The following CEP57L1 variants were observed in gnomAD, a reference collection of about 807,000 sequenced individuals.
CEP57L1 encodes the protein centrosomal protein CEP57L1.
In CEP57L1, 37 loss-of-function variants were observed where a neutral mutation model predicts 61.0. The ratio of observed to expected loss-of-function variants is 0.61; its 90% confidence interval spans 0.47 to 0.80. The LOEUF (loss-of-function observed/expected upper bound fraction) is 0.80, where lower values mean the gene tolerates loss of function less well. CEP57L1 is among the 30% of genes least tolerant of loss of function. The pLI, the probability that CEP57L1 is intolerant of heterozygous loss-of-function variation, is 0.00. For missense variants in CEP57L1, 422 were observed against 524.7 expected (o/e 0.80, Z 1.91); for synonymous variants, 137 against 162.3 (o/e 0.84, Z 1.19).
intron 1 of CEP57L1, among the ~76,000 whole-genome samples, chr6:109,118,580 G>A (rs1772580870): frequency 6.6e-6 from 1 of 152,154 alleles, no homozygotes. Flanking sequence ...CAGACATGTG[G>A]GTCAAACGTC....
chr6:109,174,099 C>CAAAAAAAAAAAAAAAAAAAA lies in CEP57L1; in HGVS notation c.*11144_*11145insAAAAAAAAAAAAAAAAAAAA, dbSNP rs1298260523. Among the ~76,000 whole-genome samples, 1 of 81,906 alleles carries CAAAAAAAAAAAAAAAAAAAA rather than the reference C, an allele frequency of 1.2e-5. No individual in the cohort carries two copies. Among genetic ancestry groups the CAAAAAAAAAAAAAAAAAAAA allele is most frequent in the African/African-American group, 4.8e-5 (1 of 20,852 alleles). 53.7% of individuals were successfully genotyped at this position (81,906 alleles called of 152,430 possible). On this transcript the variant is annotated 3_prime_UTR_variant, in exon 11 of 11. Transcript: ENST00000517392. ...TGAGCCATAGAGTGAGTCTTGGTCT[C>CAAAAAAAAAAAAAAAAAAAA]AAAAAAAAAAAAAAACCTTGTGTTG... is the stretch of plus-strand genomic sequence containing the variant.
chr6:109,153,098 G>A (rs1301108018), intron 4 of CEP57L1, among the ~76,000 whole-genome samples: 2 of 148,038 alleles, frequency 1.4e-5, no homozygotes, highest in Non-Finnish European at 3.0e-5. Flanking sequence ...GCAACAGCAA[G>A]ACTCTGTCTC....
At chr6:109,098,514 ATC>A (rs1339767627) in intron 1 of CEP57L1, among the ~76,000 whole-genome samples, 1 of 152,082 alleles carries the variant, frequency 6.6e-6, no homozygotes, top group Admixed American at 6.6e-5. Context: ...AGCTCACTGC[ATC>A]CTTGAACTCC....
chr6:109,136,733 T>C (rs1770767369), intron 1 of CEP57L1, among the ~76,000 whole-genome samples: 1 of 147,818 alleles, frequency 6.8e-6, no homozygotes, highest in Non-Finnish European at 1.5e-5. Flanking sequence ...TTATTTTATT[T>C]TATTTTATTT....
intron 1 of CEP57L1, among the ~76,000 whole-genome samples, chr6:109,143,159 T>C (rs1194660588): frequency 6.6e-6 from 1 of 152,036 alleles, no homozygotes; most frequent in Non-Finnish European, 1.5e-5. Context: ...TCAGTTTTTA[T>C]TTAAACTCTC....
At position 109,174,207 on chromosome 6, in the gene CEP57L1, T is replaced by C. The variant is rs1774540819; in HGVS notation, c.*11237T>C. The stretch of plus-strand genomic sequence containing the variant: ...GTGTCTAAGATGGATACTTTACTCT[T>C]TTCTTTTGAGAAGGGAGAGAGTATG... On this transcript the variant is annotated 3_prime_UTR_variant, in exon 11 of 11. Transcript: ENST00000517392. Among the ~76,000 whole-genome samples the C allele has an allele frequency of 6.6e-6, 1 of 152,200 alleles. No individual in the cohort carries two copies. The highest frequency in any genetic ancestry group is 2.1e-4 in the South Asian group (1 of 4,820).
intron 3 of CEP57L1, among the ~76,000 whole-genome samples, chr6:109,148,309 C>T (rs973432997): frequency 6.6e-5 from 10 of 152,132 alleles, no homozygotes; most frequent in African/African-American, 2.4e-4. Context: ...CGATGTTCCC[C>T]TTCCTGTGTC....
At chr6:109,122,367 T>G (rs1208061867) in intron 1 of CEP57L1, among the ~76,000 whole-genome samples, 1 of 152,188 alleles carries the variant, frequency 6.6e-6, no homozygotes, top group African/African-American at 2.4e-5. Context: ...ATTTTTCATT[T>G]GTTTATATTG....
chr6:109,162,915 G>T lies in CEP57L1; in HGVS notation c.1328G>T (p.Arg443Leu), dbSNP rs757356335. 1.9e-6 allele frequency: 3 copies of T among 1,612,984 alleles called. No individual in the cohort carries two copies. Among genetic ancestry groups the T allele is most frequent in the Middle Eastern group, 1.7e-4 (1 of 6,022 alleles). Residue 443 changes from arginine to leucine, a missense_variant, in exon 11 of 11, where the codon CGA becomes CTA. Physicochemically the swap from Arg to Leu is moderately radical, Grantham distance 102. Coordinates refer to ENST00000517392, the MANE Select transcript of CEP57L1 (RefSeq NM_001271852.3). ...AAAAACAGCAGCTTTCATCCAATACGAGTTCATAATCTTCAAATGAAATTG... is the reference window on the plus strand; with the variant it reads ...AAAAACAGCAGCTTTCATCCAATACTAGTTCATAATCTTCAAATGAAATTG... Reference protein sequence around the residue: ...FQKNSSFHPIRVHNLQMKLRR... With the variant: ...FQKNSSFHPILVHNLQMKLRR...
rs114413436 is a variant in CEP57L1 at position 109,098,856 on chromosome 6, G to A, written c.-4+3281G>A. On this transcript the variant is annotated intron_variant, in intron 1 of 10. Transcript: ENST00000517392. The stretch of plus-strand genomic sequence containing the variant: ...CCATAGGGAAGCAAGGGTGGAAGCA[G>A]AGAGACTGGTTAGGAAACTAAAGTA... Among the ~76,000 whole-genome samples, 1,262 of 152,286 alleles carry A rather than the reference G, an allele frequency of 8.3e-3. 24 individuals are homozygous for A. Among genetic ancestry groups the A allele is most frequent in the African/African-American group, 0.029 (1,212 of 41,552 alleles).
intron 1 of CEP57L1, among the ~76,000 whole-genome samples, chr6:109,141,169 T>C (rs1309961782): frequency 2.6e-5 from 4 of 151,910 alleles, no homozygotes; most frequent in African/African-American, 9.7e-5. Flanking sequence ...CTGAAATTTG[T>C]ATTGATGTAT....
intron 1 of CEP57L1, among the ~76,000 whole-genome samples, chr6:109,127,543 T>G (rs1237766156): frequency 1.3e-5 from 2 of 152,146 alleles, no homozygotes; most frequent in African/African-American, 2.4e-5. Flanking sequence ...ATTCCTTTTT[T>G]TTAATCTCCT....
At chr6:109,115,147 ATTG>A (rs1281549033) in intron 1 of CEP57L1, among the ~76,000 whole-genome samples, 4 of 152,106 alleles carry the variant, frequency 2.6e-5, no homozygotes, top group Admixed American at 2.6e-4. Flanking sequence ...AAAATCTTCT[ATTG>A]TTAATTTTTT....
intron 1 of CEP57L1, among the ~76,000 whole-genome samples, chr6:109,107,128 G>T (rs1395372467): frequency 1.3e-5 from 2 of 152,142 alleles, no homozygotes; most frequent in Non-Finnish European, 2.9e-5. Context: ...CTAATAAGCA[G>T]TATCTTCCTA....
Position 109,128,055 on chromosome 6 carries a change from A to G in CEP57L1, c.-3-17164A>G, listed in dbSNP as rs1172586752. 4.6e-5 allele frequency among the ~76,000 whole-genome samples: 7 copies of G among 152,292 alleles called. No homozygotes were observed. The East Asian group carries it at 1.2e-3, about 25-fold the overall frequency. On this transcript the variant is annotated intron_variant, in intron 1 of 10. Coordinates refer to ENST00000517392, the MANE Select transcript of CEP57L1 (RefSeq NM_001271852.3). ...CTTTTGTCATGCACACAATGCACAC[A>G]CTGAAAATTGCTGTTCTTTATACTG...
chr6:109,101,737 A>G (rs2114557931), intron 1 of CEP57L1, among the ~76,000 whole-genome samples: 1 of 150,670 alleles, frequency 6.6e-6, no homozygotes, highest in Non-Finnish European at 1.5e-5. Flanking sequence ...CTCCTGCCTC[A>G]GCCTCCTGAG....
At chr6:109,113,202 G>T (rs1771877700) in intron 1 of CEP57L1, among the ~76,000 whole-genome samples, 1 of 151,992 alleles carries the variant, frequency 6.6e-6, no homozygotes, top group African/African-American at 2.4e-5. Context: ...GCTGTATTGG[G>T]GGCATATATA....
chr6:109,120,105 A>C (rs1033337943), intron 1 of CEP57L1, among the ~76,000 whole-genome samples: 5 of 152,198 alleles, frequency 3.3e-5, no homozygotes, highest in Non-Finnish European at 5.9e-5. Context: ...TAATTGTCTT[A>C]AACAGGTAGT....
In CEP57L1 at chr6:109,169,851, C is replaced by A. The variant is rs1195526844; in HGVS notation, c.*6881C>A. Among the ~76,000 whole-genome samples, 2 of 152,162 alleles carry A rather than the reference C, an allele frequency of 1.3e-5. No individual in the cohort carries two copies. Among genetic ancestry groups the A allele is most frequent in the Non-Finnish European group, 2.9e-5 (2 of 68,022 alleles). The stretch of plus-strand genomic sequence containing the variant: ...TGACAAACCCTATTTTTCCGAGCAT[C>A]AACAGTCAGTGGCACCATGAAAATT... On this transcript the variant is annotated 3_prime_UTR_variant, in exon 11 of 11. Transcript: ENST00000517392.
Sources: gnomAD v4.1 joint callset for allele counts (sites outside exome capture counted in the v4.1 genomes callset) on GRCh38, gnomAD v4.1.1 for gene constraint, MANE v1.5 for transcripts, NCBI Gene and HGNC (gene_info 2026-07-23, HGNC 2026-07-21) for gene names.